SHROOM3: variants seen among roughly 807,000 people sequenced by gnomAD.
SHROOM3 encodes protein Shroom3.
Under a neutral mutation model 138.6 loss-of-function variants are expected in SHROOM3, and 47 were observed. The observed-to-expected ratio is 0.34, with a 90% confidence interval of 0.27 to 0.43. The LOEUF (loss-of-function observed/expected upper bound fraction) is 0.43. Among genes scored for constraint, SHROOM3 ranks in the 20% least tolerant of loss-of-function variants. SHROOM3 has a pLI of 1.00. For synonymous variants in SHROOM3, 1,062 were observed against 1,063.3 expected, an observed-to-expected ratio of 1.00 and a Z score of 0.02; for missense variants, 2,491 against 2,596.5, an observed-to-expected ratio of 0.96 and a Z score of 0.88.
intron 2 of SHROOM3, among the ~76,000 whole-genome samples, chr4:76,595,302 G>A (rs186195625): frequency 9.8e-4 from 149 of 152,310 alleles, no homozygotes; most frequent in Middle Eastern, 3.4e-3. Context: ...GACTTTGAAC[G>A]TCAGTTCCAT....
In SHROOM3 at chr4:76,739,727, G is replaced by T; in HGVS notation, c.1554G>T (p.Gly518=). ...CNKMATIDEN[G]NQNGSGRPGF... is the part of the protein sequence containing the mutation. ...AGATGGCTACCATTGATGAGAATGG[G>T]AACCAGAATGGATCTGGCAGGCCTG... Residue 518 remains glycine, a synonymous_variant, in exon 5 of 11, where the codon GGG becomes GGT. Transcript: ENST00000296043. 1.2e-6 allele frequency: 2 copies of T among 1,614,178 alleles called. No individual in the cohort carries two copies. The highest frequency in any genetic ancestry group is 1.7e-6 in the Non-Finnish European group (2 of 1,180,042).
At chr4:76,465,634 T>C (rs1731235188) in intron 1 of SHROOM3, among the ~76,000 whole-genome samples, 1 of 152,340 alleles carries the variant, frequency 6.6e-6, no homozygotes, top group Admixed American at 6.5e-5. Flanking sequence ...CTATTTCTGA[T>C]ACCTCACTTG....
chr4:76,732,028 G>A (rs1034817652), intron 4 of SHROOM3, among the ~76,000 whole-genome samples: 4 of 152,226 alleles, frequency 2.6e-5, no homozygotes. Flanking sequence ...GAACGAGGGA[G>A]CACAGCCTGA....
At chr4:76,755,234 AGT>A in intron 7 of SHROOM3, 42 bp downstream of exon 7, 2 of 1,601,410 alleles carry the variant, frequency 1.2e-6, no homozygotes, top group Non-Finnish European at 1.7e-6. Flanking sequence ...CTAACAGGAG[AGT>A]GTCATGCCCC....
rs929751456 is a variant in SHROOM3 at position 76,478,850 on chromosome 4, G to C, written c.168+42630G>C. Among the ~76,000 whole-genome samples the C allele has an allele frequency of 2.6e-5, 4 of 152,260 alleles. No homozygotes were observed. The East Asian group carries it at 7.8e-4, about 30-fold the overall frequency. On this transcript the variant is annotated intron_variant, in intron 1 of 10. Coordinates refer to ENST00000296043, the MANE Select transcript of SHROOM3 (RefSeq NM_020859.4). ...ACCCAGGCAAACAGGGTCTTGAGTG[G>C]ACCTTCAGCAAACTCTAGCAGACCT...
intron 2 of SHROOM3, among the ~76,000 whole-genome samples, chr4:76,680,112 T>A (rs1257437962): frequency 6.6e-6 from 1 of 151,980 alleles, no homozygotes; most frequent in East Asian, 1.9e-4. Context: ...TGGTGAGGTT[T>A]TGTTGTTTGG....
At chr4:76,461,414 T>A (rs137923334) in intron 1 of SHROOM3, among the ~76,000 whole-genome samples, 4 of 152,332 alleles carry the variant, frequency 2.6e-5, no homozygotes, top group Admixed American at 1.3e-4. Flanking sequence ...TTTGGCTTAG[T>A]CCATAAAGAG....
intron 3 of SHROOM3, among the ~76,000 whole-genome samples, chr4:76,724,121 C>T (rs1257564712): frequency 1.3e-5 from 2 of 152,292 alleles, no homozygotes; most frequent in Admixed American, 6.5e-5. Context: ...ATGTCACTTG[C>T]GAATTCCAGT....
At chr4:76,707,311 T>C (rs1447581484) in intron 2 of SHROOM3, among the ~76,000 whole-genome samples, 1 of 152,206 alleles carries the variant, frequency 6.6e-6, no homozygotes, top group African/African-American at 2.4e-5. Flanking sequence ...GGAATATGAT[T>C]CCATGTGTGG....
At chr4:76,660,125 A>G (rs935497104) in intron 2 of SHROOM3, among the ~76,000 whole-genome samples, 3 of 151,982 alleles carry the variant, frequency 2.0e-5, no homozygotes, top group African/African-American at 7.3e-5. Context: ...GCCTCTGTGC[A>G]CCCCAGCCCC....
chr4:76,484,611 A>AC (rs1731690719), intron 1 of SHROOM3, among the ~76,000 whole-genome samples: 11 of 100,850 alleles, frequency 1.1e-4, no homozygotes, highest in African/African-American at 2.9e-4. Flanking sequence ...AAACAAACAA[A>AC]AAGTCTTAGG....
chr4:76,755,733 T>C (rs1160359585), intron 7 of SHROOM3, among the ~76,000 whole-genome samples: 1 of 152,160 alleles, frequency 6.6e-6, no homozygotes, highest in Non-Finnish European at 1.5e-5. Flanking sequence ...GAGACTGGGA[T>C]GTGAATGCTC....
chr4:76,703,012 A>G (rs904403739), intron 2 of SHROOM3, among the ~76,000 whole-genome samples: 15 of 152,174 alleles, frequency 9.9e-5, no homozygotes, highest in African/African-American at 3.6e-4. Context: ...TTACTGGGGT[A>G]TATTGTACAC....
At chr4:76,652,113 C>A (rs1735975295) in intron 2 of SHROOM3, among the ~76,000 whole-genome samples, 1 of 152,120 alleles carries the variant, frequency 6.6e-6, no homozygotes, top group South Asian at 2.1e-4. Flanking sequence ...CAAAAAAGGA[C>A]ACAACCATTT....
chr4:76,474,788 G>A (rs1319719369), intron 1 of SHROOM3, among the ~76,000 whole-genome samples: 1 of 151,930 alleles, frequency 6.6e-6, no homozygotes, highest in Non-Finnish European at 1.5e-5. Flanking sequence ...AAAGCCAGAC[G>A]TGGTGATACA....
intron 2 of SHROOM3, among the ~76,000 whole-genome samples, chr4:76,642,854 G>A (rs1735710525): frequency 1.3e-5 from 2 of 151,996 alleles, no homozygotes; most frequent in Non-Finnish European, 2.9e-5. Context: ...GTATTTGTGG[G>A]GGAGGGGAGA....
At chr4:76,721,656 G>T (rs1371373945) in intron 3 of SHROOM3, among the ~76,000 whole-genome samples, 2 of 152,194 alleles carry the variant, frequency 1.3e-5, no homozygotes, top group Non-Finnish European at 1.5e-5. Flanking sequence ...GACTACAGGC[G>T]TGAGCCACCA....
chr4:76,604,751 C>G (rs1484978934), intron 2 of SHROOM3, among the ~76,000 whole-genome samples: 3 of 152,152 alleles, frequency 2.0e-5, no homozygotes, highest in African/African-American at 7.2e-5. Context: ...TGTTGAAACA[C>G]TAAAATAGTA....
chr4:76,549,205 T>TA (rs142418763), intron 1 of SHROOM3, among the ~76,000 whole-genome samples: 184 of 152,276 alleles, frequency 1.2e-3, no homozygotes, highest in African/African-American at 4.1e-3. Context: ...GGTACAAACT[T>TA]ACGATGTATG....
Sources: gnomAD v4.1 joint callset for allele counts (sites outside exome capture counted in the v4.1 genomes callset) on GRCh38, gnomAD v4.1.1 for gene constraint, MANE v1.5 for transcripts, NCBI Gene and HGNC (gene_info 2026-07-23, HGNC 2026-07-21) for gene names.